CDH20: variants seen among roughly 807,000 people sequenced by gnomAD.
The protein encoded by CDH20 is cadherin-20.
In CDH20, 29 loss-of-function variants were observed where a neutral mutation model predicts 74.2. The observed-to-expected ratio is 0.39, with a 90% confidence interval of 0.29 to 0.53. The LOEUF is 0.53. CDH20 is among the 20% of genes least tolerant of loss of function. The probability of loss-of-function intolerance (pLI) is 0.69; values close to 1 mark genes in which losing one functional copy is unlikely to be tolerated. For synonymous variants in CDH20, 469 were observed against 405.4 expected, an observed-to-expected ratio of 1.16 and a Z score of -1.88; for missense variants, 988 against 1,048.3, an observed-to-expected ratio of 0.94 and a Z score of 0.79.
chr18:61,492,846 C>A (rs1263758978), intron 2 of CDH20, among the ~76,000 whole-genome samples: 1 of 152,172 alleles, frequency 6.6e-6, no homozygotes, highest in Non-Finnish European at 1.5e-5. Flanking sequence ...AACATTGCTC[C>A]CATTTTATCC....
At chr18:61,369,267 T>C (rs1358047897) in intron 1 of CDH20, among the ~76,000 whole-genome samples, 1 of 152,140 alleles carries the variant, frequency 6.6e-6, no homozygotes, top group Non-Finnish European at 1.5e-5. Context: ...AATTGGAATA[T>C]AAAGTCAGGT....
At chr18:61,421,208 TGTTCGA>T (rs1275579731) in intron 1 of CDH20, among the ~76,000 whole-genome samples, 4 of 152,120 alleles carry the variant, frequency 2.6e-5, no homozygotes, top group Non-Finnish European at 5.9e-5. Flanking sequence ...TCTAAAATAA[TGTTCGA>T]GAAATTTTTT....
intron 2 of CDH20, among the ~76,000 whole-genome samples, chr18:61,495,021 C>A (rs1267014732): frequency 6.6e-6 from 1 of 152,160 alleles, no homozygotes; most frequent in Admixed American, 6.5e-5. Flanking sequence ...GGCTGAAGAT[C>A]TTAAAAACTA....
intron 1 of CDH20, among the ~76,000 whole-genome samples, chr18:61,392,386 G>A (rs1911819560): frequency 6.6e-6 from 1 of 152,130 alleles, no homozygotes; most frequent in African/African-American, 2.4e-5. Context: ...AGTATCTGCA[G>A]ATGCAGAAGC....
intron 1 of CDH20, among the ~76,000 whole-genome samples, chr18:61,360,883 CTCTT>C (rs1170252634): frequency 6.6e-6 from 1 of 152,186 alleles, no homozygotes; most frequent in Non-Finnish European, 1.5e-5. Flanking sequence ...TCAATACTTC[CTCTT>C]TCTGTTTTAG....
At chr18:61,527,748 ATATCT>A (rs1424238156) in intron 6 of CDH20, among the ~76,000 whole-genome samples, 1 of 152,126 alleles carries the variant, frequency 6.6e-6, no homozygotes, top group Non-Finnish European at 1.5e-5. Flanking sequence ...GCAGTGACTG[ATATCT>A]TATCTTCTTT....
At chr18:61,381,172 T>C (rs1911422655) in intron 1 of CDH20, among the ~76,000 whole-genome samples, 1 of 152,152 alleles carries the variant, frequency 6.6e-6, no homozygotes, top group African/African-American at 2.4e-5. Context: ...TATCACCAAG[T>C]TGTCAGTCAT....
In CDH20 at chr18:61,515,158, TG is replaced by T. The variant is rs566335533; in HGVS notation, c.1017+7601del. On this transcript the variant is annotated intron_variant, in intron 6 of 11. Coordinates refer to ENST00000262717, the MANE Select transcript of CDH20 (RefSeq NM_031891.4). ...TGTGCTAGCAATCAGCGAGACTCCG[TG>T]GGCCTAGGACCCTCGGAGCCAGGTG... 2.2e-3 allele frequency among the ~76,000 whole-genome samples: 332 copies of T among 152,238 alleles called. 2 individuals carry two copies. The highest frequency in any genetic ancestry group is 6.9e-3 in the Admixed American group (105 of 15,296).
intron 1 of CDH20, among the ~76,000 whole-genome samples, chr18:61,366,763 T>C (rs1346115012): frequency 6.6e-6 from 1 of 152,120 alleles, no homozygotes; most frequent in Non-Finnish European, 1.5e-5. Flanking sequence ...CATAATTCCC[T>C]TTTCCAATTT....
At chr18:61,475,887 T>C (rs1910362784) in intron 1 of CDH20, among the ~76,000 whole-genome samples, 5 of 152,168 alleles carry the variant, frequency 3.3e-5, no homozygotes, top group African/African-American at 1.2e-4. Context: ...CTAAACTTGT[T>C]CTGTTTTTTA....
At chr18:61,451,413 T>C (rs145080837) in intron 1 of CDH20, among the ~76,000 whole-genome samples, 2 of 152,256 alleles carry the variant, frequency 1.3e-5, no homozygotes, top group Admixed American at 6.5e-5. Context: ...GTTATGACTA[T>C]CACATCTGGA....
At chr18:61,552,077 A>G (rs1315356724) in intron 11 of CDH20, among the ~76,000 whole-genome samples, 1 of 152,188 alleles carries the variant, frequency 6.6e-6, no homozygotes, top group African/African-American at 2.4e-5. Flanking sequence ...CACATCCCAC[A>G]TTAAAAATAA....
At chr18:61,350,856 TCA>T (rs1568105709) in intron 1 of CDH20, among the ~76,000 whole-genome samples, 3 of 152,146 alleles carry the variant, frequency 2.0e-5, no homozygotes. Context: ...AGAGGATCTT[TCA>T]GTGTTTCACA....
At chr18:61,346,780 T>C (rs1910127578) in intron 1 of CDH20, among the ~76,000 whole-genome samples, 1 of 152,202 alleles carries the variant, frequency 6.6e-6, no homozygotes, top group South Asian at 2.1e-4. Context: ...GTGAGTGATT[T>C]TTTATATTTC....
chr18:61,344,515 G>A (rs116550861), intron 1 of CDH20, among the ~76,000 whole-genome samples: 12 of 152,266 alleles, frequency 7.9e-5, no homozygotes, highest in African/African-American at 2.6e-4. Flanking sequence ...AGTTTCTAGA[G>A]TTTGAGACAT....
rs372438905 is a variant in CDH20, at chr18:61,382,724, G to C, written c.-153+48897G>C. 1.1e-4 allele frequency among the ~76,000 whole-genome samples: 17 copies of C among 152,226 alleles called. No homozygotes were observed. The East Asian group carries it at 2.9e-3, about 26-fold the overall frequency. On this transcript the variant is annotated intron_variant, in intron 1 of 11. Coordinates refer to ENST00000262717, the MANE Select transcript of CDH20 (RefSeq NM_031891.4). Reference sequence around the variant, plus strand: ...TTTTCCAGCCCAAATCCTGTGAATGGCAGCAAATTGAAAAGCAGGAAGAGT... The same window carrying C: ...TTTTCCAGCCCAAATCCTGTGAATGCCAGCAAATTGAAAAGCAGGAAGAGT...
intron 6 of CDH20, among the ~76,000 whole-genome samples, chr18:61,526,917 A>G (rs1233950266): frequency 6.6e-6 from 1 of 152,194 alleles, no homozygotes; most frequent in Admixed American, 6.6e-5. Context: ...GTGGTGGCTT[A>G]TGCCTGTAAT....
At chr18:61,524,209 C>T (rs1173196716) in intron 6 of CDH20, among the ~76,000 whole-genome samples, 3 of 151,902 alleles carry the variant, frequency 2.0e-5, no homozygotes, top group East Asian at 1.9e-4. Context: ...AGATGCATCA[C>T]GAGGCAGTAA....
chr18:61,382,240 T>G (rs1911455767), intron 1 of CDH20, among the ~76,000 whole-genome samples: 1 of 152,216 alleles, frequency 6.6e-6, no homozygotes, highest in African/African-American at 2.4e-5. Context: ...ACTTTCCTCC[T>G]TAAGTCTACA....
Sources: allele counts gnomAD v4.1 joint callset (sites outside exome capture counted in the v4.1 genomes callset), GRCh38; gene constraint gnomAD v4.1.1; transcripts MANE v1.5; gene names NCBI Gene and HGNC (gene_info 2026-07-23, HGNC 2026-07-21).